Variants in TMEM74 observed in about 807,000 individuals in gnomAD.
TMEM74 encodes transmembrane protein 74.
A neutral mutation model predicts 18.1 loss-of-function variants in TMEM74; 13 were observed. That is an observed-to-expected ratio of 0.72 (90% CI 0.47 to 1.14). The LOEUF (loss-of-function observed/expected upper bound fraction) is 1.14, where lower values mean the gene tolerates loss of function less well. Ranked by LOEUF, TMEM74 falls within the 50% of genes most tolerant of loss-of-function variation. The pLI is 0.00. For synonymous variants in TMEM74, 159 were observed against 146.6 expected (o/e 1.08, Z -0.61); for missense variants, 372 against 375.9 (o/e 0.99, Z 0.09).
chr8:108,665,442 C>A (rs1204450710), intron 1 of TMEM74, among the ~76,000 whole-genome samples: 2 of 152,026 alleles, frequency 1.3e-5, no homozygotes, highest in African/African-American at 4.8e-5. Context: ...TACCCCTTTG[C>A]CTACAACAAG....
chr8:108,750,453 AGG>A (rs1297355850), intron 1 of TMEM74, among the ~76,000 whole-genome samples: 2 of 152,060 alleles, frequency 1.3e-5, no homozygotes, highest in African/African-American at 4.8e-5. Flanking sequence ...GGAGCAGGAG[AGG>A]GCTCTTCCCT....
chr8:108,662,725 T>C (rs1812912850), intron 1 of TMEM74, among the ~76,000 whole-genome samples: 1 of 152,110 alleles, frequency 6.6e-6, no homozygotes, highest in Non-Finnish European at 1.5e-5. Flanking sequence ...GTGAGATTTC[T>C]CTGTTTTGAC....
chr8:108,687,812 T>G (rs1813186446), intron 1 of TMEM74, among the ~76,000 whole-genome samples: 3 of 151,756 alleles, frequency 2.0e-5, no homozygotes. Flanking sequence ...TGATGGGGAG[T>G]GGCTGTATAT....
At chr8:108,687,978 T>A (rs988807014) in intron 1 of TMEM74, among the ~76,000 whole-genome samples, 2 of 152,056 alleles carry the variant, frequency 1.3e-5, no homozygotes, top group East Asian at 3.9e-4. Context: ...AATAACCTAA[T>A]AAGAAAAATG....
intron 2 of TMEM74, among the ~76,000 whole-genome samples, chr8:108,616,928 T>C (rs1812389341): frequency 2.0e-5 from 3 of 151,722 alleles, no homozygotes; most frequent in Admixed American, 2.0e-4. Flanking sequence ...TATATATTTA[T>C]ATATAGTGAC....
intron 1 of TMEM74, among the ~76,000 whole-genome samples, chr8:108,710,350 T>A (rs1813462295): frequency 6.6e-6 from 1 of 152,242 alleles, no homozygotes; most frequent in Non-Finnish European, 1.5e-5. Context: ...GTGGTATCAC[T>A]GATGAACTGT....
intron 1 of TMEM74, among the ~76,000 whole-genome samples, chr8:108,660,639 G>A (rs533667069): frequency 1.5e-4 from 23 of 152,250 alleles, no homozygotes; most frequent in South Asian, 1.2e-3. Context: ...TAAACCTACA[G>A]TTAGATAGTT....
At chr8:108,679,323 A>G (rs1813088909) in intron 1 of TMEM74, among the ~76,000 whole-genome samples, 1 of 152,204 alleles carries the variant, frequency 6.6e-6, no homozygotes, top group Non-Finnish European at 1.5e-5. Context: ...GAATCTCCAC[A>G]TTGAATTCCA....
chr8:108,656,215 T>A (rs1812819768), intron 1 of TMEM74, among the ~76,000 whole-genome samples: 1 of 152,210 alleles, frequency 6.6e-6, no homozygotes, highest in South Asian at 2.1e-4. Context: ...TTTGCCTGCC[T>A]GCAGAGAATC....
At chr8:108,608,298 C>CAAAAAAA (rs374774953) in intron 3 of TMEM74, among the ~76,000 whole-genome samples, 2 of 72,586 alleles carry the variant, frequency 2.8e-5, no homozygotes, top group African/African-American at 1.1e-4. Flanking sequence ...AAGACTCTGT[C>CAAAAAAA]AAAAAAAAAA....
intron 2 of TMEM74, among the ~76,000 whole-genome samples, chr8:108,630,721 G>T (rs1433608694): frequency 6.6e-6 from 1 of 151,914 alleles, no homozygotes; most frequent in Non-Finnish European, 1.5e-5. Context: ...CTAATAGTGA[G>T]TTATTTACTG....
chr8:108,759,587 T>C (rs74906971), intron 1 of TMEM74, among the ~76,000 whole-genome samples: 4,944 of 152,146 alleles, frequency 0.032, 256 homozygotes, highest in African/African-American at 0.11. Flanking sequence ...ATCCTTGATA[T>C]AAACTGAGTA....
At chr8:108,657,877 T>TATATATATATATATATTAATTAC (rs1812857671) in intron 1 of TMEM74, among the ~76,000 whole-genome samples, 4 of 70,882 alleles carry the variant, frequency 5.6e-5, no homozygotes, top group African/African-American at 1.8e-4. Context: ...TATATATATA[T>TATATATATATATATATTAATTAC]ATATATATAT....
At chr8:108,720,657 T>TA (rs1360145190) in intron 1 of TMEM74, among the ~76,000 whole-genome samples, 2 of 152,176 alleles carry the variant, frequency 1.3e-5, no homozygotes, top group Non-Finnish European at 2.9e-5. Context: ...TATTCTACCA[T>TA]AAAAAAGACG....
chr8:108,675,693 A>G (rs527709431), intron 1 of TMEM74, among the ~76,000 whole-genome samples: 62 of 152,346 alleles, frequency 4.1e-4, no homozygotes, highest in Non-Finnish European at 7.6e-4. Flanking sequence ...AGGAAAATTT[A>G]AATTTAGAAA....
At chr8:108,758,220 C>T (rs1874677) in intron 1 of TMEM74, among the ~76,000 whole-genome samples, 58,256 of 151,744 alleles carry the variant, frequency 0.38, 11,597 homozygotes, top group African/African-American at 0.48. Flanking sequence ...AGAACAAATA[C>T]ATTTTAAAAT....
intron 1 of TMEM74, among the ~76,000 whole-genome samples, chr8:108,727,042 A>G (rs2935789): frequency 1 from 152,227 of 152,228 alleles, 76,113 homozygotes; most frequent in Non-Finnish European, 1. Flanking sequence ...AATAACCAAT[A>G]CTAAGGCAAG....
At chr8:108,621,072 C>T (rs988288163) in intron 2 of TMEM74, among the ~76,000 whole-genome samples, 1 of 152,072 alleles carries the variant, frequency 6.6e-6, no homozygotes. Context: ...TTTCCAGATG[C>T]CCAGCTGAAT....
chr8:108,757,858 A>G (rs1813995481), intron 1 of TMEM74, among the ~76,000 whole-genome samples: 1 of 151,952 alleles, frequency 6.6e-6, no homozygotes, highest in African/African-American at 2.4e-5. Flanking sequence ...CCTCAAATCT[A>G]TACTATTATG....
Sources: allele counts gnomAD v4.1 joint callset (sites outside exome capture counted in the v4.1 genomes callset), GRCh38; gene constraint gnomAD v4.1.1; transcripts MANE v1.5; gene names NCBI Gene and HGNC (gene_info 2026-07-23, HGNC 2026-07-21).